The following MYO3B variants were observed in gnomAD, a reference collection of about 807,000 sequenced individuals.
The protein encoded by MYO3B is myosin IIIB.
MYO3B carries 156 observed loss-of-function variants against 174.6 expected under a neutral mutation model. The observed-to-expected ratio is 0.89, with a 90% CI of 0.78 to 1.02. The LOEUF is 1.02. MYO3B is among the 50% of genes least tolerant of loss of function. The pLI is 0.00. For synonymous variants in MYO3B, 563 were observed against 569.1 expected, an observed-to-expected ratio of 0.99 and a Z score of 0.15; for missense variants, 1,632 against 1,639.4, an observed-to-expected ratio of 1.00 and a Z score of 0.08.
chr2:170,271,149 G>A (rs2093422589), intron 7 of MYO3B, among the ~76,000 whole-genome samples: 1 of 152,120 alleles, frequency 6.6e-6, no homozygotes, highest in Admixed American at 6.5e-5. Context: ...AAATGAGAAA[G>A]ACTTCTTCCT....
At chr2:170,360,203 CAT>C (rs1218427129) in intron 8 of MYO3B, among the ~76,000 whole-genome samples, 1 of 152,130 alleles carries the variant, frequency 6.6e-6, no homozygotes, top group East Asian at 1.9e-4. Context: ...GAGAAGAATG[CAT>C]ACAAATGAGA....
At chr2:170,492,339 G>C (rs1405497326) in intron 25 of MYO3B, among the ~76,000 whole-genome samples, 1 of 152,166 alleles carries the variant, frequency 6.6e-6, no homozygotes, top group African/African-American at 2.4e-5. Flanking sequence ...ATCCTCCACA[G>C]ATCTCCAGGG....
chr2:170,579,772 G>A (rs1456250709), intron 32 of MYO3B, among the ~76,000 whole-genome samples: 2 of 152,238 alleles, frequency 1.3e-5, no homozygotes, highest in Non-Finnish European at 2.9e-5. Context: ...TACCTCCAGA[G>A]CCTCCCAGCT....
At chr2:170,544,584 G>A (rs1690350723) in intron 32 of MYO3B, among the ~76,000 whole-genome samples, 2 of 152,186 alleles carry the variant, frequency 1.3e-5, no homozygotes, top group Non-Finnish European at 2.9e-5. Flanking sequence ...ACCATTCCAA[G>A]AAAAGAAATG....
At chr2:170,253,210 A>T (rs1276954429) in intron 7 of MYO3B, among the ~76,000 whole-genome samples, 1 of 152,194 alleles carries the variant, frequency 6.6e-6, no homozygotes, top group Non-Finnish European at 1.5e-5. Flanking sequence ...GCTTGGACCA[A>T]GGTGAAGGTA....
intron 7 of MYO3B, among the ~76,000 whole-genome samples, chr2:170,287,828 T>C (rs2093567640): frequency 6.6e-6 from 1 of 152,096 alleles, no homozygotes; most frequent in Non-Finnish European, 1.5e-5. Context: ...ATTTTCCCAA[T>C]GTTTTCTTCT....
At chr2:170,270,912 G>T (rs1320238889) in intron 7 of MYO3B, among the ~76,000 whole-genome samples, 1 of 152,238 alleles carries the variant, frequency 6.6e-6, no homozygotes, top group Non-Finnish European at 1.5e-5. Flanking sequence ...AGGAAGAAAA[G>T]TATTTTATTC....
intron 28 of MYO3B, among the ~76,000 whole-genome samples, chr2:170,506,694 A>C (rs1371684542): frequency 6.6e-6 from 1 of 152,242 alleles, no homozygotes; most frequent in East Asian, 1.9e-4. Context: ...AATCTAAAAC[A>C]ATACAAAGAG....
chr2:170,364,338 A>T (rs2094183048), intron 8 of MYO3B, among the ~76,000 whole-genome samples: 1 of 152,188 alleles, frequency 6.6e-6, no homozygotes, highest in African/African-American at 2.4e-5. Context: ...TGTGTGCATT[A>T]CAAAACTCCA....
intron 32 of MYO3B, among the ~76,000 whole-genome samples, chr2:170,583,788 T>G (rs944987972): frequency 2.0e-5 from 3 of 152,188 alleles, no homozygotes; most frequent in African/African-American, 4.8e-5. Context: ...GTTTAGCTCC[T>G]TGCCCAAGGT....
intron 8 of MYO3B, among the ~76,000 whole-genome samples, chr2:170,353,476 C>G (rs2094093717): frequency 6.6e-6 from 1 of 152,198 alleles, no homozygotes; most frequent in African/African-American, 2.4e-5. Context: ...GTATAATACT[C>G]TACGAATGGA....
At chr2:170,642,926 T>C (rs1304649176) in intron 32 of MYO3B, among the ~76,000 whole-genome samples, 3 of 152,146 alleles carry the variant, frequency 2.0e-5, no homozygotes, top group Non-Finnish European at 2.9e-5. Context: ...TGTAGATTAT[T>C]GGTAGACTTT....
chr2:170,400,617 C>T (rs1229365028), intron 17 of MYO3B, among the ~76,000 whole-genome samples: 1 of 145,624 alleles, frequency 6.9e-6, no homozygotes, highest in East Asian at 2.1e-4. Flanking sequence ...CTTGGCCAGG[C>T]TGGTCTTGAA....
chr2:170,450,112 C>T (rs1683504029), intron 23 of MYO3B, among the ~76,000 whole-genome samples: 3 of 152,132 alleles, frequency 2.0e-5, no homozygotes, highest in Non-Finnish European at 1.5e-5. Flanking sequence ...AATTAAAAGG[C>T]TTAATATACA....
chr2:170,268,235 G>T (rs1337457762), intron 7 of MYO3B, among the ~76,000 whole-genome samples: 1 of 152,126 alleles, frequency 6.6e-6, no homozygotes. Context: ...GAATTTGGAA[G>T]TGATTTCTGG....
intron 8 of MYO3B, chr2:170,344,571 G>T (rs1181970911): frequency 6.6e-6 from 1 of 152,118 alleles, no homozygotes; most frequent in East Asian, 1.9e-4. Context: ...AGCTGCAAAG[G>T]AAGCTAAGAA....
At chr2:170,465,154 T>A (rs1436843671) in intron 24 of MYO3B, among the ~76,000 whole-genome samples, 1 of 152,080 alleles carries the variant, frequency 6.6e-6, no homozygotes, top group Non-Finnish European at 1.5e-5. Flanking sequence ...GTTACAGGCA[T>A]GAGCCACTGT....
At chr2:170,193,968 T>C (rs1443255645) in intron 1 of MYO3B, among the ~76,000 whole-genome samples, 2 of 152,198 alleles carry the variant, frequency 1.3e-5, no homozygotes, top group Non-Finnish European at 2.9e-5. Flanking sequence ...ATTTCCCTTT[T>C]GTAAACATAC....
intron 7 of MYO3B, among the ~76,000 whole-genome samples, chr2:170,271,915 C>CTA (rs2093427613): frequency 6.6e-6 from 1 of 151,508 alleles, no homozygotes; most frequent in Non-Finnish European, 1.5e-5. Flanking sequence ...GTTTTAGTGG[C>CTA]CTATTTGTAT....
Sources: allele counts gnomAD v4.1 joint callset (sites outside exome capture counted in the v4.1 genomes callset), GRCh38; gene constraint gnomAD v4.1.1; transcripts MANE v1.5; gene names NCBI Gene and HGNC (gene_info 2026-07-23, HGNC 2026-07-21).